The following EMX2 variants were observed in gnomAD, a reference collection of about 807,000 sequenced individuals.
EMX2 encodes the protein homeobox protein EMX2.
EMX2 carries 6 observed loss-of-function variants against 23.0 expected under a neutral mutation model. That is an observed-to-expected ratio of 0.26 (90% CI 0.14 to 0.52). The LOEUF is 0.52. Among genes scored for constraint, EMX2 ranks in the 20% least tolerant of loss-of-function variants. The pLI is 0.97. For missense variants in EMX2, 302 were observed against 341.4 expected, an observed-to-expected ratio of 0.88 and a Z score of 0.91; for synonymous variants, 175 against 153.3, an observed-to-expected ratio of 1.14 and a Z score of -1.04.
chr10:117,547,403 A>G (rs763097501), intron 2 of EMX2, among the ~76,000 whole-genome samples: 8 of 152,140 alleles, frequency 5.3e-5, no homozygotes, highest in Non-Finnish European at 1.0e-4. Context: ...CTATAAAGGT[A>G]CAGCTGGGTT....
In EMX2 at chr10:117,543,088, CCTTTCCTTTTT is replaced by C; in HGVS notation, c.-178_-168del. The C allele has an allele frequency of 2.2e-6, 1 of 455,476 alleles. No homozygotes were observed. Among genetic ancestry groups the C allele is most frequent in the South Asian group, 2.6e-5 (1 of 38,440 alleles). 28.2% of individuals were successfully genotyped at this position (455,476 alleles called of 1,614,324 possible). ...TTGCCTCTCCCTCTCCCTCCCCCCT[CCTTTCCTTTTT>C]CCTTTCCTTTCCTTTCTTTCTTCCT... On this transcript the variant is annotated 5_prime_UTR_variant, in exon 1 of 3. Transcript: ENST00000553456.
At chr10:117,545,303 C>T (rs1846560171) in intron 1 of EMX2, 1 of 295,104 alleles carries the variant, frequency 3.4e-6, no homozygotes, top group Admixed American at 5.5e-5. Context: ...CGGCTCCCTC[C>T]CCTGCCTCCA....
At chr10:117,544,436 C>T (rs1410326074) in intron 1 of EMX2, 2 of 149,150 alleles carry the variant, frequency 1.3e-5, no homozygotes, top group African/African-American at 2.5e-5. Context: ...AATATCTGTT[C>T]GTGTGTTTTC....
At chr10:117,544,291 C>A (rs927916916) in intron 1 of EMX2, 4 of 153,678 alleles carry the variant, frequency 2.6e-5, no homozygotes, top group Admixed American at 6.4e-5. Context: ...CAGGGCTTGG[C>A]GCTCTCGCCG....
chr10:117,545,740 C>A lies in EMX2; in HGVS notation c.515C>A (p.Ala172Asp), dbSNP rs746073597. Residue 172 changes from alanine (A) to aspartate (D), a missense_variant, in exon 2 of 3, where the codon GCC (alanine) becomes GAC (aspartate). Around this residue, in one of 4 missense-constraint regions of EMX2, gnomAD observed 37 missense variants for 69.1 expected, o/e 0.54. Transcript: ENST00000553456. Reference sequence around the variant, plus strand: ...TCCCAGCTTCTAAGGCTGGAACACGCCTTTGAGAAGAATCACTACGTGGTG... The same window carrying A: ...TCCCAGCTTCTAAGGCTGGAACACGACTTTGAGAAGAATCACTACGTGGTG... ...SPSQLLRLEH[A>D]FEKNHYVVGA... 3.7e-6 allele frequency: 6 copies of A among 1,613,972 alleles called. No individual in the cohort carries two copies. The highest frequency in any genetic ancestry group is 1.3e-5 in the African/African-American group (1 of 74,944).
At chr10:117,547,210 C>A (rs1469761035) in intron 2 of EMX2, among the ~76,000 whole-genome samples, 1 of 152,174 alleles carries the variant, frequency 6.6e-6, no homozygotes, top group Non-Finnish European at 1.5e-5. Context: ...GGGCCTCCAG[C>A]CCCACCCTGG....
chr10:117,548,808 C>T lies in EMX2; in HGVS notation c.*576C>T. 1 of 401,234 alleles carries T rather than the reference C, an allele frequency of 2.5e-6. No homozygotes were observed. Among genetic ancestry groups the T allele is most frequent in the Non-Finnish European group, 4.4e-6 (1 of 227,996 alleles). 24.9% of individuals were successfully genotyped at this position (401,234 alleles called of 1,614,324 possible). ...CAAAAATTCCATATCTAGCCCCATC[C>T]CACACCTGTTTCAAATCCTTGAAAT... On this transcript the variant is annotated 3_prime_UTR_variant, in exon 3 of 3. Coordinates refer to ENST00000553456, the MANE Select transcript of EMX2 (RefSeq NM_004098.4).
At chr10:117,544,008 A>G (rs447877) in intron 1 of EMX2, among the ~76,000 whole-genome samples, 91,006 of 151,692 alleles carry the variant, frequency 0.6, 27,558 homozygotes, top group Non-Finnish European at 0.64. Context: ...CGGGATCCCC[A>G]GGCTCCTGGT....
intron 1 of EMX2, 78 bp from the exon 2 acceptor site, chr10:117,545,554 C>T: frequency 6.3e-7 from 1 of 1,582,170 alleles, no homozygotes; most frequent in Non-Finnish European, 8.6e-7. Context: ...CGGTGCCGGG[C>T]CAGCCCGGCT....
rs1411753368 is a variant in EMX2 at position 117,543,234 on chromosome 10, C to G, written c.-34C>G. 1 of 1,475,910 alleles carries G rather than the reference C, an allele frequency of 6.8e-7. No homozygotes were observed. Among genetic ancestry groups the G allele is most frequent in the Non-Finnish European group, 9.0e-7 (1 of 1,109,498 alleles). The allele number at this position is 1,475,910 out of a possible 1,614,324, so 91.4% of individuals were successfully genotyped here. The stretch of plus-strand genomic sequence containing the variant: ...GGCAGCGTGCGGCGGTCGCCAGGAG[C>G]TGGGAGCCCAGGGCGCCCGCTCCTC... On this transcript the variant is annotated 5_prime_UTR_variant, in exon 1 of 3. Coordinates refer to ENST00000553456, the MANE Select transcript of EMX2 (RefSeq NM_004098.4).
intron 2 of EMX2, 80 bp from the exon 3 acceptor site, chr10:117,547,985 G>A: frequency 6.5e-7 from 1 of 1,538,650 alleles, no homozygotes; most frequent in Non-Finnish European, 8.8e-7. Context: ...ACTGGAGTCT[G>A]GGCTGGGTGA....
At position 117,548,854 on chromosome 10, in the gene EMX2, G is replaced by T. The variant is rs912507573; in HGVS notation, c.*622G>T. 2.0e-5 allele frequency: 8 copies of T among 397,332 alleles called. No homozygotes were observed. The highest frequency in any genetic ancestry group is 3.5e-5 in the Non-Finnish European group (8 of 225,762). 24.6% of individuals were successfully genotyped at this position (397,332 alleles called of 1,614,324 possible). On this transcript the variant is annotated 3_prime_UTR_variant, in exon 3 of 3. Transcript: ENST00000553456. ...GAAATGCATGTAGCAGTTGTTGGGC[G>T]AATGGTGTTTAAAGACCGAAAATGA...
At position 117,548,345 on chromosome 10, in the gene EMX2, G is replaced by A; in HGVS notation, c.*113G>A. The A allele has an allele frequency of 6.9e-7, 1 of 1,445,284 alleles. No homozygotes were observed. The highest frequency in any genetic ancestry group is 9.3e-7 in the Non-Finnish European group (1 of 1,070,134). 89.5% of individuals were successfully genotyped at this position (1,445,284 alleles called of 1,614,324 possible). On this transcript the variant is annotated 3_prime_UTR_variant, in exon 3 of 3. Transcript: ENST00000553456. ...AACAAACCGCATACACGTTCACCGA[G>A]AAAGGGAGAGGGAATCGGAGGGAGC...
chr10:117,548,504 C>A lies in EMX2; in HGVS notation c.*272C>A. 3.4e-6 allele frequency: 2 copies of A among 583,134 alleles called. No homozygotes were observed. The highest frequency in any genetic ancestry group is 6.0e-6 in the Non-Finnish European group (2 of 333,132). The allele number at this position is 583,134 out of a possible 1,614,324, so 36.1% of individuals were successfully genotyped here. On this transcript the variant is annotated 3_prime_UTR_variant, in exon 3 of 3. Coordinates refer to ENST00000553456, the MANE Select transcript of EMX2 (RefSeq NM_004098.4). ...TAAAGAGGCAGCTGAGTGAGAGACA[C>A]AGAGAGAAGGAGAAAGAGGGAGGGA...
Position 117,548,136 on chromosome 10 carries a change from G to C in EMX2, c.663G>C (p.Ser221=). The change falls in exon 3 of 3, where the codon TCG becomes TCC. Residue 221 remains serine (S), a synonymous_variant. Coordinates refer to ENST00000553456, the MANE Select transcript of EMX2 (RefSeq NM_004098.4). ...RQKLEEEGSD[S]QQKKKGTHHI... ...AGCTGGAGGAAGAAGGCTCAGATTCGCAACAAAAGAAAAAAGGGACGCACC... is the reference window on the plus strand; with the variant it reads ...AGCTGGAGGAAGAAGGCTCAGATTCCCAACAAAAGAAAAAAGGGACGCACC... 6.2e-7 allele frequency: 1 copy of C among 1,613,790 alleles called. No homozygotes were observed. The highest frequency in any genetic ancestry group is 8.5e-7 in the Non-Finnish European group (1 of 1,179,928).
chr10:117,544,495 G>A (rs1028367164), intron 1 of EMX2: 3 of 152,140 alleles, frequency 2.0e-5, no homozygotes, highest in African/African-American at 7.2e-5. Flanking sequence ...GGTACGGGGT[G>A]GGAGGAGGAG....
At position 117,545,517 on chromosome 10, in the gene EMX2, G is replaced by A. The variant is rs1846564355; in HGVS notation, c.407-115G>A. 3.8e-6 allele frequency: 5 copies of A among 1,304,096 alleles called. No homozygotes were observed. In the South Asian group the frequency reaches 5.6e-5, roughly 15 times the overall value. 80.8% of individuals were successfully genotyped at this position (1,304,096 alleles called of 1,614,324 possible). A position where few individuals can be genotyped will look rare whatever the true frequency, so the allele number is the denominator to read the frequency against. ...GACCACCGGCCCCCGCAGGTCGAGC[G>A]GCGCGGCTATGCGAAGGCCCTGAGC... On this transcript the variant is annotated intron_variant, in intron 1 of 2. Transcript: ENST00000553456.
At chr10:117,547,298 G>C (rs1564752226) in intron 2 of EMX2, among the ~76,000 whole-genome samples, 1 of 152,178 alleles carries the variant, frequency 6.6e-6, no homozygotes, top group Non-Finnish European at 1.5e-5. Context: ...AGGGAAGAGG[G>C]GGCTTGCTGT....
intron 1 of EMX2, 112 bp from the exon 2 acceptor site, chr10:117,545,520 G>T: frequency 7.5e-7 from 1 of 1,327,800 alleles, no homozygotes; most frequent in South Asian, 1.4e-5. Flanking sequence ...GTCGAGCGGC[G>T]CGGCTATGCG....
Sources: gnomAD v4.1 joint callset for allele counts (sites outside exome capture counted in the v4.1 genomes callset) on GRCh38, gnomAD v4.1.1 for gene constraint, gnomAD v4.1.1 regional missense constraint, MANE v1.5 for transcripts, NCBI Gene and HGNC (gene_info 2026-07-23, HGNC 2026-07-21) for gene names.